Variants in RELL1 observed in about 807,000 individuals in gnomAD.
RELL1 encodes the protein RELT like 1, also known as RELT-like protein 1.
Under a neutral mutation model 23.0 loss-of-function variants are expected in RELL1, and 10 were observed. The observed-to-expected ratio is 0.43, with a 90% CI of 0.27 to 0.74. The LOEUF (loss-of-function observed/expected upper bound fraction) is 0.74, where lower values mean the gene tolerates loss of function less well. Among genes scored for constraint, RELL1 ranks in the 30% least tolerant of loss-of-function variants. RELL1 has a pLI of 0.19. For synonymous variants in RELL1, 146 were observed against 146.8 expected, an observed-to-expected ratio of 0.99 and a Z score of 0.04; for missense variants, 315 against 364.4, an observed-to-expected ratio of 0.86 and a Z score of 1.10.
chr4:37,630,786 T>C (rs1720103954), intron 6 of RELL1, among the ~76,000 whole-genome samples: 1 of 152,052 alleles, frequency 6.6e-6, no homozygotes, highest in African/African-American at 2.4e-5. Flanking sequence ...AAGAGAAATA[T>C]TCGTATTGAG....
At chr4:37,680,744 C>A (rs567591348) in intron 1 of RELL1, among the ~76,000 whole-genome samples, 1 of 151,878 alleles carries the variant, frequency 6.6e-6, no homozygotes, top group Non-Finnish European at 1.5e-5. Flanking sequence ...CTGGCTAACA[C>A]GGTGAAACAC....
rs1417551477 is a variant in RELL1, at chr4:37,612,214, G to C, written c.*1132C>G. 6.9e-6 allele frequency among the ~76,000 whole-genome samples: 1 copy of C among 145,388 alleles called. No homozygotes were observed. The highest frequency in any genetic ancestry group is 1.5e-5 in the Non-Finnish European group (1 of 66,474). On this transcript the variant is annotated 3_prime_UTR_variant, in exon 7 of 7. Transcript: ENST00000454158. ...AAAAAAAAAAAAAGAGAGAAGCAGGGTTCTTTTGTTTTGGCCTTGGGTTGT... is the reference window on the plus strand; with the variant it reads ...AAAAAAAAAAAAAGAGAGAAGCAGGCTTCTTTTGTTTTGGCCTTGGGTTGT...
chr4:37,590,278 G>A (rs1560315176), downstream of RELL1: 1 of 1,614,126 alleles, frequency 6.2e-7, no homozygotes, highest in Non-Finnish European at 8.5e-7. Flanking sequence ...TGATCCATGG[G>A]AGCCCTGCTG....
chr4:37,635,973 G>A (rs1385522960), intron 4 of RELL1, among the ~76,000 whole-genome samples: 2 of 152,156 alleles, frequency 1.3e-5, no homozygotes, highest in African/African-American at 2.4e-5. Flanking sequence ...AGATGTTGAT[G>A]GTGTTGATAA....
chr4:37,628,510 C>T (rs1162738657), intron 6 of RELL1, among the ~76,000 whole-genome samples: 2 of 152,100 alleles, frequency 1.3e-5, no homozygotes, highest in Admixed American at 1.3e-4. Context: ...TGATACTATT[C>T]TACTTTTGAG....
intron 1 of RELL1, among the ~76,000 whole-genome samples, chr4:37,670,210 G>GT (rs11379218): frequency 0.22 from 32,268 of 147,464 alleles, 3,660 homozygotes; most frequent in African/African-American, 0.29. Flanking sequence ...ATAATCGATA[G>GT]TTTTTTTTTT....
downstream of RELL1, among the ~76,000 whole-genome samples, chr4:37,586,704 G>A (rs1718356378): frequency 6.6e-6 from 1 of 152,232 alleles, no homozygotes; most frequent in Non-Finnish European, 1.5e-5. Flanking sequence ...GAGGTCAGGA[G>A]TTCAAGACCA....
chr4:37,627,068 C>T (rs986484948), intron 6 of RELL1, among the ~76,000 whole-genome samples: 2 of 152,208 alleles, frequency 1.3e-5, no homozygotes, highest in Non-Finnish European at 2.9e-5. Flanking sequence ...GCAATGCATA[C>T]GTTCATTAGC....
At chr4:37,670,775 T>C (rs1421830010) in intron 1 of RELL1, among the ~76,000 whole-genome samples, 1 of 152,134 alleles carries the variant, frequency 6.6e-6, no homozygotes, top group Non-Finnish European at 1.5e-5. Context: ...GGTTTCACCA[T>C]GTTGGCCAAG....
At position 37,645,559 on chromosome 4, in the gene RELL1, T is replaced by A. The variant is rs1187823124; in HGVS notation, c.385+1809A>T. ...CCGAGTAAGTTTGGTTGTCTGACTTTATAGACTGCAGAAATTGACAACTGC... is the reference window on the plus strand; with the variant it reads ...CCGAGTAAGTTTGGTTGTCTGACTTAATAGACTGCAGAAATTGACAACTGC... On this transcript the variant is annotated intron_variant, in intron 3 of 6. Transcript: ENST00000454158. Among the ~76,000 whole-genome samples, 3 of 152,324 alleles carry A rather than the reference T, an allele frequency of 2.0e-5. No individual in the cohort carries two copies. The East Asian group carries it at 5.8e-4, about 29-fold the overall frequency.
At chr4:37,631,163 G>A (rs1169419699) in intron 6 of RELL1, among the ~76,000 whole-genome samples, 2 of 152,058 alleles carry the variant, frequency 1.3e-5, no homozygotes, top group Non-Finnish European at 2.9e-5. Context: ...TTATCACACA[G>A]GCCAAGCCCC....
chr4:37,627,092 C>T (rs546876967), intron 6 of RELL1, among the ~76,000 whole-genome samples: 122 of 152,262 alleles, frequency 8.0e-4, no homozygotes, highest in Non-Finnish European at 1.2e-3. Flanking sequence ...ATTTAGCCAT[C>T]GCAGTGTACA....
chr4:37,607,579 C>CTTTT (rs59939694), downstream of RELL1, among the ~76,000 whole-genome samples: 1 of 113,960 alleles, frequency 8.8e-6, no homozygotes, highest in African/African-American at 3.3e-5. Flanking sequence ...TCTTTCTTTT[C>CTTTT]TTTTTTTTTT....
intron 6 of RELL1, among the ~76,000 whole-genome samples, chr4:37,601,534 G>A (rs970047850): frequency 1.3e-5 from 2 of 152,220 alleles, no homozygotes; most frequent in Admixed American, 1.3e-4. Context: ...TGCTCTTATC[G>A]GGAGCTGTAA....
At chr4:37,679,031 G>A (rs1722115541) in intron 1 of RELL1, among the ~76,000 whole-genome samples, 1 of 152,170 alleles carries the variant, frequency 6.6e-6, no homozygotes, top group South Asian at 2.1e-4. Flanking sequence ...CGGGGGCCTT[G>A]GGGTATTGCA....
downstream of RELL1, among the ~76,000 whole-genome samples, chr4:37,605,880 GGAAA>G (rs1436355929): frequency 2.2e-5 from 3 of 135,590 alleles, no homozygotes; most frequent in East Asian, 2.2e-4. Flanking sequence ...AAGGAAAGAA[GGAAA>G]GAAAGAGAAA....
At chr4:37,663,093 G>A (rs1292060094) in intron 1 of RELL1, among the ~76,000 whole-genome samples, 1 of 152,108 alleles carries the variant, frequency 6.6e-6, no homozygotes, top group Non-Finnish European at 1.5e-5. Context: ...CTCAGAGAGG[G>A]GCGTGAGGAA....
intron 5 of RELL1, among the ~76,000 whole-genome samples, chr4:37,633,270 A>G (rs898086636): frequency 4.6e-5 from 7 of 152,012 alleles, no homozygotes; most frequent in African/African-American, 1.7e-4. Context: ...TTAGCCAGGC[A>G]TGGTGGCGGG....
chr4:37,603,773 G>C (rs1336113865), intron 6 of RELL1, among the ~76,000 whole-genome samples: 2 of 152,210 alleles, frequency 1.3e-5, no homozygotes, highest in African/African-American at 4.8e-5. Flanking sequence ...GGGAGGGAAT[G>C]TGCAGAGGGA....
Sources: gnomAD v4.1 joint callset for allele counts (sites outside exome capture counted in the v4.1 genomes callset) on GRCh38, gnomAD v4.1.1 for gene constraint, MANE v1.5 for transcripts, NCBI Gene and HGNC (gene_info 2026-07-23, HGNC 2026-07-21) for gene names.